Variants in NIF3L1 observed in about 807,000 individuals in gnomAD.
NIF3L1 encodes the protein NIF3-like protein 1.
NIF3L1 carries 26 observed loss-of-function variants against 35.0 expected under a neutral mutation model. The observed-to-expected ratio is 0.74, with a 90% CI of 0.54 to 1.03. The LOEUF (loss-of-function observed/expected upper bound fraction) is 1.03. Among genes scored for constraint, NIF3L1 ranks in the 50% least tolerant of loss-of-function variants. The pLI is 0.00. For missense variants in NIF3L1, 449 were observed against 466.3 expected, an observed-to-expected ratio of 0.96 and a Z score of 0.34; for synonymous variants, 157 against 178.9, an observed-to-expected ratio of 0.88 and a Z score of 0.98.
chr2:200,901,785 T>C (rs537135029), intron 6 of NIF3L1, among the ~76,000 whole-genome samples: 1 of 152,350 alleles, frequency 6.6e-6, no homozygotes, highest in East Asian at 1.9e-4. Flanking sequence ...AGCTTTTCTT[T>C]CCATTGGCTT....
At chr2:200,898,165 G>A (rs1559350714) in intron 5 of NIF3L1, among the ~76,000 whole-genome samples, 1 of 141,724 alleles carries the variant, frequency 7.1e-6, no homozygotes, top group Admixed American at 6.8e-5. Flanking sequence ...TTGTGGTTCA[G>A]AGAGATAAGT....
intron 4 of NIF3L1, among the ~76,000 whole-genome samples, chr2:200,895,910 G>A (rs1291175034): frequency 6.6e-6 from 1 of 151,320 alleles, no homozygotes; most frequent in Non-Finnish European, 1.5e-5. Flanking sequence ...TGGATGTTTT[G>A]CACTTACAGA....
intron 4 of NIF3L1, among the ~76,000 whole-genome samples, chr2:200,895,600 T>G (rs1022372517): frequency 1.3e-5 from 2 of 152,214 alleles, no homozygotes; most frequent in Non-Finnish European, 2.9e-5. Flanking sequence ...TGTAAATTAT[T>G]AGATCAACAG....
At chr2:200,899,912 G>A (rs1313136347) in intron 6 of NIF3L1, among the ~76,000 whole-genome samples, 1 of 151,944 alleles carries the variant, frequency 6.6e-6, no homozygotes, top group African/African-American at 2.4e-5. Flanking sequence ...CCCTCTAATG[G>A]TATCTTCCAT....
At chr2:200,902,196 GAACA>G (rs1438682074) in intron 6 of NIF3L1, among the ~76,000 whole-genome samples, 1 of 152,008 alleles carries the variant, frequency 6.6e-6, no homozygotes, top group Non-Finnish European at 1.5e-5. Context: ...ACTTTTTAAA[GAACA>G]AACCTAATTG....
chr2:200,892,116 C>T lies in NIF3L1; in HGVS notation c.173C>T (p.Pro58Leu), dbSNP rs2040206892. The change falls in exon 2 of 7, where the codon CCA becomes CTA. Residue 58 changes from proline to leucine, a missense_variant. Transcript: ENST00000409020. ...GACAATGTTGGATTACTGGTGGAAC[C>T]AAGCCCACCACATACTGTAAATACA... ...SWDNVGLLVE[P>L]SPPHTVNTLF... The T allele has an allele frequency of 6.2e-7, 1 of 1,614,180 alleles. No homozygotes were observed.
At chr2:200,897,019 C>T in intron 4 of NIF3L1, 57 bp from the exon 5 acceptor site, 2 of 1,558,760 alleles carry the variant, frequency 1.3e-6, no homozygotes, top group Non-Finnish European at 1.8e-6. Context: ...ATGATTTTAG[C>T]ATTTGTTGTT....
Position 200,903,672 on chromosome 2 carries a change from G to A in NIF3L1, c.1128G>A (p.Val376=). 1 of 1,612,394 alleles carries A rather than the reference G, an allele frequency of 6.2e-7. No individual in the cohort carries two copies. Among genetic ancestry groups the A allele is most frequent in the South Asian group, 1.1e-5 (1 of 91,044 alleles). ...LSETDRDPLQ[V]V ...AGACTGACAGGGACCCTCTTCAGGT[G>A]GTATAATTGCAGAAACATCAGGATA... The change falls in exon 7 of 7, where the codon GTG becomes GTA. Residue 376 remains valine, a synonymous_variant. Transcript: ENST00000409020.
rs576363510 is a variant in NIF3L1, at chr2:200,892,799, A to G, written c.436+420A>G. 4.6e-5 allele frequency among the ~76,000 whole-genome samples: 7 copies of G among 152,348 alleles called. No individual in the cohort carries two copies. In the South Asian group the frequency reaches 1.4e-3, roughly 32 times the overall value. On this transcript the variant is annotated intron_variant, in intron 2 of 6. Coordinates refer to ENST00000409020, the MANE Select transcript of NIF3L1 (RefSeq NM_001369441.2). ...GCCTAGCACAATGAGGGAATGATGG[A>G]TGGATTTTAGCTTTATTTTAGTAAG...
At chr2:200,890,105 C>T (rs1408150016) in intron 1 of NIF3L1, among the ~76,000 whole-genome samples, 1 of 152,228 alleles carries the variant, frequency 6.6e-6, no homozygotes, top group East Asian at 1.9e-4. Context: ...CCCCTGTAAT[C>T]CCGGTACTCT....
chr2:200,889,449 C>A lies in NIF3L1; in HGVS notation c.-230C>A. ...GTAGTTGTGACCTTCGCGGTAGGTG[C>A]CGGTTGGGGCCGGCTGTGATTGTTA... On this transcript the variant is annotated 5_prime_UTR_variant, in exon 1 of 7. Coordinates refer to ENST00000409020, the MANE Select transcript of NIF3L1 (RefSeq NM_001369441.2). 4.8e-6 allele frequency: 1 copy of A among 209,540 alleles called. No individual in the cohort carries two copies. The highest frequency in any genetic ancestry group is 1.3e-4 in the East Asian group (1 of 7,944). 13.0% of individuals were successfully genotyped at this position (209,540 alleles called of 1,614,324 possible).
Position 200,893,252 on chromosome 2 carries a change from G to T in NIF3L1, c.443G>T (p.Cys148Phe). Reference sequence around the variant, plus strand: ...CCCACAATATTTTCTCTAGGAGCTTGTACCTCCAGGCCCATACATCCTTCC... The same window carrying T: ...CCCACAATATTTTCTCTAGGAGCTTTTACCTCCAGGCCCATACATCCTTCC... ...NNWLAKGLGA[C>F]TSRPIHPSKA... The change falls in exon 3 of 7, where the codon TGT (cysteine) becomes TTT (phenylalanine). Residue 148 changes from cysteine (C) to phenylalanine (F), a missense_variant. Coordinates refer to ENST00000409020, the MANE Select transcript of NIF3L1 (RefSeq NM_001369441.2). 1 of 1,485,880 alleles carries T rather than the reference G, an allele frequency of 6.7e-7. No homozygotes were observed. Among genetic ancestry groups the T allele is most frequent in the East Asian group, 2.5e-5 (1 of 40,000 alleles). 92.0% of individuals were successfully genotyped at this position (1,485,880 alleles called of 1,614,324 possible). A position where few individuals can be genotyped will look rare whatever the true frequency, so the allele number is the denominator to read the frequency against.
chr2:200,894,565 C>T (rs1054784651), intron 3 of NIF3L1, among the ~76,000 whole-genome samples: 6 of 151,706 alleles, frequency 4.0e-5, no homozygotes, highest in East Asian at 1.9e-4. Flanking sequence ...CCACCACGCC[C>T]GGCTAATTTT....
chr2:200,896,285 A>G (rs531002717), intron 4 of NIF3L1, among the ~76,000 whole-genome samples: 1 of 152,214 alleles, frequency 6.6e-6, no homozygotes, highest in South Asian at 2.1e-4. Context: ...CAGTAGCCAT[A>G]CTGTCTTCTT....
rs2040330066 is a variant in NIF3L1, at chr2:200,897,081, G to A, written c.732G>A (p.Leu244=). Residue 244 remains leucine (L), a synonymous_variant, in exon 5 of 7, where the codon TTG becomes TTA. Coordinates refer to ENST00000409020, the MANE Select transcript of NIF3L1 (RefSeq NM_001369441.2). ...TAACTTCTGTTTCTCCTCAGCCTTT[G>A]CTTCTACATACTGGAATGGGACGGT... The part of the protein sequence containing the change: ...KTEILSLEKP[L]LLHTGMGRLC... 2 of 1,613,740 alleles carry A rather than the reference G, an allele frequency of 1.2e-6. No individual in the cohort carries two copies. The highest frequency in any genetic ancestry group is 1.7e-6 in the Non-Finnish European group (2 of 1,179,800).
rs148631593 is a variant in NIF3L1, at chr2:200,891,234, C to T, written c.-26-684C>T. Among the ~76,000 whole-genome samples the T allele has an allele frequency of 3.3e-4, 51 of 152,240 alleles. No individual in the cohort carries two copies. The East Asian group carries it at 9.5e-3, about 28-fold the overall frequency. On this transcript the variant is annotated intron_variant, in intron 1 of 6. Coordinates refer to ENST00000409020, the MANE Select transcript of NIF3L1 (RefSeq NM_001369441.2). ...CCTCCCAAAGTGCTGGGATTACAGG[C>T]GCCCCGCCACATTATTCTGTTTTTT...
At chr2:200,895,432 C>T (rs779664948) in intron 4 of NIF3L1, 42 bp downstream of exon 4, 4 of 1,595,784 alleles carry the variant, frequency 2.5e-6, no homozygotes, top group East Asian at 4.5e-5. Flanking sequence ...ATACTGTGCA[C>T]ACATTTTCTA....
At chr2:200,901,853 T>A (rs1371478555) in intron 6 of NIF3L1, among the ~76,000 whole-genome samples, 1 of 152,226 alleles carries the variant, frequency 6.6e-6, no homozygotes, top group African/African-American at 2.4e-5. Flanking sequence ...CTCCAGCCAA[T>A]GAATTTGTCA....
chr2:200,900,354 G>T (rs1029798728), intron 6 of NIF3L1, among the ~76,000 whole-genome samples: 4 of 152,170 alleles, frequency 2.6e-5, no homozygotes, highest in Non-Finnish European at 5.9e-5. Flanking sequence ...GGATTTGGAG[G>T]CATTTTAAGG....
Sources: allele counts gnomAD v4.1 joint callset (sites outside exome capture counted in the v4.1 genomes callset), GRCh38; gene constraint gnomAD v4.1.1; transcripts MANE v1.5; gene names NCBI Gene and HGNC (gene_info 2026-07-23, HGNC 2026-07-21).